The following LRRTM4 variants were observed in gnomAD, a reference collection of about 807,000 sequenced individuals.
LRRTM4 encodes leucine-rich repeat transmembrane neuronal protein 4.
A neutral mutation model predicts 47.6 loss-of-function variants in LRRTM4; 25 were observed. The observed-to-expected ratio is 0.53, with a 90% CI of 0.38 to 0.73. LRRTM4 has a LOEUF of 0.73. Among genes scored for constraint, LRRTM4 ranks in the 30% least tolerant of loss-of-function variants. The probability of loss-of-function intolerance (pLI) is 0.00; values close to 1 mark genes in which losing one functional copy is unlikely to be tolerated. For missense variants in LRRTM4, 638 were observed against 713.4 expected (o/e 0.89, Z 1.20); for synonymous variants, 311 against 269.5 (o/e 1.15, Z -1.51).
At chr2:76,878,051 G>T (rs953830945) in intron 3 of LRRTM4, among the ~76,000 whole-genome samples, 1 of 151,918 alleles carries the variant, frequency 6.6e-6, no homozygotes, top group Admixed American at 6.6e-5. Flanking sequence ...ACCCATTTTT[G>T]CAACAGCGTA....
intron 3 of LRRTM4, among the ~76,000 whole-genome samples, chr2:76,966,706 C>T (rs1009394158): frequency 6.6e-6 from 1 of 151,436 alleles, no homozygotes; most frequent in African/African-American, 2.4e-5. Flanking sequence ...CCCAAAAATA[C>T]TAGTGTCATG....
At chr2:77,012,746 T>C (rs910524022) in intron 3 of LRRTM4, among the ~76,000 whole-genome samples, 4 of 152,294 alleles carry the variant, frequency 2.6e-5, no homozygotes, top group African/African-American at 9.6e-5. Flanking sequence ...AGGCCTCTGG[T>C]GTTCAACTAA....
At chr2:77,052,344 A>G (rs1679465102) in intron 3 of LRRTM4, among the ~76,000 whole-genome samples, 1 of 151,300 alleles carries the variant, frequency 6.6e-6, no homozygotes, top group Non-Finnish European at 1.5e-5. Context: ...AGTTTTTTGT[A>G]TTTTTAGTAG....
intron 3 of LRRTM4, among the ~76,000 whole-genome samples, chr2:77,080,820 C>A (rs1039580987): frequency 6.6e-6 from 1 of 152,120 alleles, no homozygotes; most frequent in African/African-American, 2.4e-5. Context: ...CCTATAAAGC[C>A]TTCTGTGCTT....
At chr2:76,917,597 G>T (rs965592102) in intron 3 of LRRTM4, among the ~76,000 whole-genome samples, 8 of 152,124 alleles carry the variant, frequency 5.3e-5, no homozygotes, top group Admixed American at 2.0e-4. Context: ...TGTAAATCAA[G>T]ATGATAAAAT....
intron 3 of LRRTM4, among the ~76,000 whole-genome samples, chr2:77,387,502 T>G (rs1291874532): frequency 6.6e-6 from 1 of 152,128 alleles, no homozygotes; most frequent in Admixed American, 6.6e-5. Flanking sequence ...GGTCTCTCAG[T>G]TGTCATGCAA....
intron 3 of LRRTM4, among the ~76,000 whole-genome samples, chr2:76,780,513 C>G (rs568412831): frequency 3.5e-4 from 53 of 152,104 alleles, no homozygotes; most frequent in Non-Finnish European, 6.8e-4. Context: ...TTCATTTCAT[C>G]TTCCATTGCT....
intron 3 of LRRTM4, among the ~76,000 whole-genome samples, chr2:77,364,764 G>C (rs1054041232): frequency 2.0e-5 from 3 of 151,908 alleles, no homozygotes; most frequent in African/African-American, 7.3e-5. Context: ...AATGAGTCTA[G>C]AGATCATAGA....
rs371291921 is a variant in LRRTM4, at chr2:76,939,842, A to C, written c.1552-190926T>G. Among the ~76,000 whole-genome samples, 5 of 152,286 alleles carry C rather than the reference A, an allele frequency of 3.3e-5. No individual in the cohort carries two copies. In the East Asian group the frequency reaches 5.8e-4, roughly 18 times the overall value. On this transcript the variant is annotated intron_variant, in intron 3 of 3. Transcript: ENST00000409884. ...TTTTCATTTCTCAGGAAATTTTGAAAAATGAAAATCTTGGAGAATTTTCCC... is the reference window on the plus strand; with the variant it reads ...TTTTCATTTCTCAGGAAATTTTGAACAATGAAAATCTTGGAGAATTTTCCC...
chr2:77,518,014 G>C (rs1403125484), intron 3 of LRRTM4: 16 of 1,097,210 alleles, frequency 1.5e-5, no homozygotes, highest in Non-Finnish European at 1.8e-5. Context: ...AGTTTTGTTT[G>C]TATGTGTGTT....
At chr2:77,242,392 T>C (rs1675292558) in intron 3 of LRRTM4, among the ~76,000 whole-genome samples, 1 of 152,142 alleles carries the variant, frequency 6.6e-6, no homozygotes, top group South Asian at 2.1e-4. Context: ...ACCATCCAAA[T>C]GGGAGGACAT....
intron 3 of LRRTM4, among the ~76,000 whole-genome samples, chr2:77,028,619 A>G (rs1321601123): frequency 6.6e-6 from 1 of 152,170 alleles, no homozygotes; most frequent in Non-Finnish European, 1.5e-5. Context: ...GAAAAATATC[A>G]AAGATGGAAC....
chr2:76,871,205 A>G (rs2104053268), intron 3 of LRRTM4, among the ~76,000 whole-genome samples: 1 of 152,310 alleles, frequency 6.6e-6, no homozygotes, highest in South Asian at 2.1e-4. Context: ...ACTTCTATTT[A>G]AAAGAAATAG....
At chr2:77,256,330 C>G (rs1403823120) in intron 3 of LRRTM4, among the ~76,000 whole-genome samples, 1 of 151,916 alleles carries the variant, frequency 6.6e-6, no homozygotes, top group Admixed American at 6.6e-5. Flanking sequence ...GTAAACTATA[C>G]CAAACATTTG....
At chr2:76,905,681 C>A (rs112061122) in intron 3 of LRRTM4, among the ~76,000 whole-genome samples, 36,009 of 129,314 alleles carry the variant, frequency 0.28, 6,644 homozygotes, top group East Asian at 0.62. Context: ...ACCAAGGCTC[C>A]AGAACTACGT....
At chr2:77,225,669 A>G (rs1213177582) in intron 3 of LRRTM4, among the ~76,000 whole-genome samples, 1 of 152,134 alleles carries the variant, frequency 6.6e-6, no homozygotes, top group Non-Finnish European at 1.5e-5. Context: ...TAAATGAGTA[A>G]TTATTATTTG....
rs553847718 is a variant in LRRTM4, at chr2:77,313,020, T to C, written c.1551+205298A>G. Among the ~76,000 whole-genome samples the C allele has an allele frequency of 6.6e-5, 10 of 152,296 alleles. No homozygotes were observed. In the South Asian group the frequency reaches 2.1e-3, roughly 32 times the overall value. ...TGAGTACCATCTCTTTAGGATATTT[T>C]ATTTCCTTCCATCACTAGAAAACAT... is the stretch of plus-strand genomic sequence containing the variant. On this transcript the variant is annotated intron_variant, in intron 3 of 3. Transcript: ENST00000409884.
intron 3 of LRRTM4, among the ~76,000 whole-genome samples, chr2:76,832,796 G>T (rs1211142872): frequency 6.6e-6 from 1 of 152,028 alleles, no homozygotes; most frequent in South Asian, 2.1e-4. Flanking sequence ...TAAGTTTATA[G>T]ATATGAATGA....
At chr2:77,339,375 A>C (rs532602832) in intron 3 of LRRTM4, among the ~76,000 whole-genome samples, 1 of 152,176 alleles carries the variant, frequency 6.6e-6, no homozygotes, top group African/African-American at 2.4e-5. Flanking sequence ...TATGTTTCCT[A>C]AATTTGTTTA....
Sources: gnomAD v4.1 joint callset for allele counts (sites outside exome capture counted in the v4.1 genomes callset) on GRCh38, gnomAD v4.1.1 for gene constraint, MANE v1.5 for transcripts, NCBI Gene and HGNC (gene_info 2026-07-23, HGNC 2026-07-21) for gene names.